The following CNTNAP5 variants were observed in gnomAD, a reference collection of about 807,000 sequenced individuals.
CNTNAP5 encodes the protein contactin-associated protein-like 5.
CNTNAP5 carries 72 observed loss-of-function variants against 150.2 expected under a neutral mutation model. The observed-to-expected ratio is 0.48, with a 90% CI of 0.40 to 0.58. The LOEUF is 0.58. Among genes scored for constraint, CNTNAP5 ranks in the 20% least tolerant of loss-of-function variants. The pLI, the probability that CNTNAP5 is intolerant of heterozygous loss-of-function variation, is 0.00. For synonymous variants in CNTNAP5, 672 were observed against 619.8 expected (o/e 1.08, Z -1.25); for missense variants, 1,636 against 1,626.2 (o/e 1.01, Z -0.10).
chr2:124,787,358 A>G (rs79172662), intron 17 of CNTNAP5, among the ~76,000 whole-genome samples: 8 of 152,224 alleles, frequency 5.3e-5, no homozygotes, highest in Non-Finnish European at 1.0e-4. Context: ...TAATTGATTT[A>G]TCTTGTGGTT....
At chr2:124,242,587 C>T (rs1686914880) in intron 3 of CNTNAP5, 194 bp downstream of exon 3, 2 of 556,666 alleles carry the variant, frequency 3.6e-6, no homozygotes, top group African/African-American at 1.9e-5. Context: ...GGATGTCTGT[C>T]GCAAATAGTT....
chr2:124,800,168 G>A (rs546296789), intron 19 of CNTNAP5, among the ~76,000 whole-genome samples: 28 of 152,264 alleles, frequency 1.8e-4, no homozygotes, highest in Non-Finnish European at 2.6e-4. Context: ...AGCAGCCTCC[G>A]TTCTAAACAA....
At chr2:124,503,672 T>C (rs959597447) in intron 7 of CNTNAP5, among the ~76,000 whole-genome samples, 1 of 152,190 alleles carries the variant, frequency 6.6e-6, no homozygotes, top group Admixed American at 6.5e-5. Context: ...TCTGCCTCTC[T>C]TCACCTTTCC....
At chr2:124,841,603 C>T (rs17012053) in intron 19 of CNTNAP5, among the ~76,000 whole-genome samples, 7,635 of 152,056 alleles carry the variant, frequency 0.05, 618 homozygotes, top group African/African-American at 0.17. Context: ...CGCAGCATTC[C>T]TCTTCACAGT....
At chr2:124,045,859 T>A (rs531943071) in intron 1 of CNTNAP5, among the ~76,000 whole-genome samples, 1 of 152,250 alleles carries the variant, frequency 6.6e-6, no homozygotes, top group East Asian at 1.9e-4. Flanking sequence ...TTGCTATGGG[T>A]GCCACATTAG....
chr2:124,284,295 C>T (rs1369973181), intron 3 of CNTNAP5, among the ~76,000 whole-genome samples: 1 of 152,152 alleles, frequency 6.6e-6, no homozygotes, highest in Admixed American at 6.5e-5. Flanking sequence ...AAGGCTACTG[C>T]CTGGGGAACC....
chr2:124,244,349 T>TG (rs1208586750), intron 3 of CNTNAP5, among the ~76,000 whole-genome samples: 5 of 152,112 alleles, frequency 3.3e-5, no homozygotes, highest in Non-Finnish European at 7.4e-5. Context: ...GAACTTATTT[T>TG]GGGGTGATTA....
At chr2:124,614,451 G>T (rs1276992907) in intron 12 of CNTNAP5, among the ~76,000 whole-genome samples, 2 of 152,144 alleles carry the variant, frequency 1.3e-5, no homozygotes, top group African/African-American at 2.4e-5. Flanking sequence ...TCGGTTGCTG[G>T]TTGGCCATTT....
chr2:124,614,814 T>C (rs1677459682), intron 12 of CNTNAP5, among the ~76,000 whole-genome samples: 1 of 152,144 alleles, frequency 6.6e-6, no homozygotes, highest in African/African-American at 2.4e-5. Context: ...ATCCTGTGAC[T>C]AAGAATGCCT....
chr2:124,607,211 A>C (rs1427292621), intron 11 of CNTNAP5, among the ~76,000 whole-genome samples: 1 of 152,172 alleles, frequency 6.6e-6, no homozygotes, highest in Non-Finnish European at 1.5e-5. Flanking sequence ...TAAGCAACTT[A>C]GCTAGGTGGT....
At chr2:124,540,152 GACAAAATGTTAGAATC>G (rs1296639806) in intron 10 of CNTNAP5, among the ~76,000 whole-genome samples, 1 of 152,152 alleles carries the variant, frequency 6.6e-6, no homozygotes, top group African/African-American at 2.4e-5. Context: ...ACTTTATTAT[GACAAAATGTTAGAATC>G]ACCTTGCTAC....
intron 3 of CNTNAP5, among the ~76,000 whole-genome samples, chr2:124,297,335 C>G (rs1450080410): frequency 6.6e-6 from 1 of 152,184 alleles, no homozygotes; most frequent in African/African-American, 2.4e-5. Flanking sequence ...CCTCCCTGAG[C>G]CTGTCTCTCT....
intron 14 of CNTNAP5, among the ~76,000 whole-genome samples, chr2:124,752,388 A>G (rs184017373): frequency 6.6e-6 from 1 of 152,214 alleles, no homozygotes; most frequent in African/African-American, 2.4e-5. Flanking sequence ...TAACTGAATA[A>G]CATACATTTC....
intron 1 of CNTNAP5, among the ~76,000 whole-genome samples, chr2:124,137,109 C>T (rs766655938): frequency 3.9e-5 from 6 of 152,090 alleles, no homozygotes; most frequent in Non-Finnish European, 7.3e-5. Context: ...AGCCTATGAG[C>T]TCCTCAAGGG....
At chr2:124,401,800 G>T (rs1309456014) in intron 3 of CNTNAP5, among the ~76,000 whole-genome samples, 1 of 152,198 alleles carries the variant, frequency 6.6e-6, no homozygotes, top group Non-Finnish European at 1.5e-5. Flanking sequence ...GGGGCAGTGA[G>T]GGTAGCGATG....
intron 10 of CNTNAP5, among the ~76,000 whole-genome samples, chr2:124,541,736 G>A (rs928144047): frequency 1.1e-4 from 16 of 152,102 alleles, no homozygotes; most frequent in Non-Finnish European, 2.2e-4. Context: ...AGAAGTAGAG[G>A]AAAGCCAACT....
At chr2:124,585,669 C>CTTT (rs33978614) in intron 11 of CNTNAP5, among the ~76,000 whole-genome samples, 1,276 of 66,256 alleles carry the variant, frequency 0.019, 43 homozygotes, top group African/African-American at 0.021. Flanking sequence ...GAGCTTGAAG[C>CTTT]TTTTTTTTTT....
chr2:124,315,591 G>A (rs1016445123), intron 3 of CNTNAP5, among the ~76,000 whole-genome samples: 3 of 151,954 alleles, frequency 2.0e-5, no homozygotes, highest in South Asian at 4.1e-4. Context: ...TAGTATAAAC[G>A]TTTTGCTGCT....
chr2:124,514,926 C>T (rs1694672306), intron 8 of CNTNAP5, among the ~76,000 whole-genome samples: 1 of 152,152 alleles, frequency 6.6e-6, no homozygotes. Flanking sequence ...AAATAACTCT[C>T]TTGAGTTTAG....
Sources: allele counts gnomAD v4.1 joint callset (sites outside exome capture counted in the v4.1 genomes callset), GRCh38; gene constraint gnomAD v4.1.1; transcripts MANE v1.5; gene names NCBI Gene and HGNC (gene_info 2026-07-23, HGNC 2026-07-21).